DOCK1: variants seen among roughly 807,000 people sequenced by gnomAD.
DOCK1 encodes the protein dedicator of cytokinesis 1.
In DOCK1, 138 loss-of-function variants were observed where a neutral mutation model predicts 262.7. The ratio of observed to expected loss-of-function variants is 0.53; its 90% CI spans 0.46 to 0.61. The LOEUF is 0.61. DOCK1 is among the 20% of genes least tolerant of loss of function. DOCK1 has a pLI of 0.00. For synonymous variants in DOCK1, 866 were observed against 867.4 expected (o/e 1.00, Z 0.03); for missense variants, 1,908 against 2,370.7 (o/e 0.80, Z 4.05).
chr10:127,335,411 A>G (rs908868328), intron 29 of DOCK1, among the ~76,000 whole-genome samples: 5 of 152,332 alleles, frequency 3.3e-5, no homozygotes, highest in Middle Eastern at 6.8e-3. Flanking sequence ...CCATCCAAAC[A>G]CTTGGCTTAG....
chr10:126,973,918 C>G (rs898242243), intron 2 of DOCK1, among the ~76,000 whole-genome samples: 3 of 152,112 alleles, frequency 2.0e-5, no homozygotes, highest in Non-Finnish European at 4.4e-5. Flanking sequence ...TATTACAGAG[C>G]TTGCTCCAGA....
At chr10:127,256,673 G>A (rs2059834395) in intron 28 of DOCK1, among the ~76,000 whole-genome samples, 1 of 152,176 alleles carries the variant, frequency 6.6e-6, no homozygotes, top group Non-Finnish European at 1.5e-5. Context: ...CATGGAAGCA[G>A]GGTAGAGCAG....
At chr10:126,977,915 T>G (rs983358186) in intron 2 of DOCK1, 33 bp from the exon 3 acceptor site, 1 of 1,612,026 alleles carries the variant, frequency 6.2e-7, no homozygotes. Context: ...CATGTCTCTT[T>G]GTACTAACTG....
intron 29 of DOCK1, among the ~76,000 whole-genome samples, chr10:127,275,977 C>T (rs537369700): frequency 6.6e-6 from 1 of 152,366 alleles, no homozygotes; most frequent in South Asian, 2.1e-4. Context: ...CCCTGCGGCT[C>T]ATGCTGCCTT....
intron 13 of DOCK1, among the ~76,000 whole-genome samples, chr10:127,021,137 T>G (rs1475471410): frequency 6.6e-6 from 1 of 152,210 alleles, no homozygotes; most frequent in Non-Finnish European, 1.5e-5. Context: ...GTCTTACTTC[T>G]GTGCTGGCCC....
At chr10:127,080,307 G>A (rs1341277268) in intron 23 of DOCK1, among the ~76,000 whole-genome samples, 1 of 152,024 alleles carries the variant, frequency 6.6e-6, no homozygotes, top group African/African-American at 2.4e-5. Context: ...ATCATGCTAA[G>A]CTGGGTTGAT....
intron 21 of DOCK1, among the ~76,000 whole-genome samples, chr10:127,048,711 G>A (rs1397606992): frequency 2.0e-5 from 3 of 152,206 alleles, no homozygotes; most frequent in Non-Finnish European, 4.4e-5. Flanking sequence ...GCTGAGCCAG[G>A]TTGGACAGCT....
At chr10:127,444,426 C>T in intron 50 of DOCK1, 147 bp downstream of exon 50, 1 of 1,126,510 alleles carries the variant, frequency 8.9e-7, no homozygotes, top group Non-Finnish European at 1.2e-6. Flanking sequence ...GGGAGTGTCC[C>T]CTGGGACAGG....
At chr10:127,160,503 T>G (rs532972751) in intron 27 of DOCK1, among the ~76,000 whole-genome samples, 1 of 152,328 alleles carries the variant, frequency 6.6e-6, no homozygotes, top group South Asian at 2.1e-4. Context: ...GTGACCCAGT[T>G]GTTGATTTGC....
At chr10:127,300,784 G>A (rs1026595839) in intron 29 of DOCK1, among the ~76,000 whole-genome samples, 46 of 151,590 alleles carry the variant, frequency 3.0e-4, no homozygotes, top group African/African-American at 1.0e-3. Flanking sequence ...CTGTCCTCCC[G>A]AGAGCCCCAC....
intron 23 of DOCK1, among the ~76,000 whole-genome samples, chr10:127,087,031 C>T (rs896275834): frequency 1.3e-5 from 2 of 152,036 alleles, no homozygotes; most frequent in Non-Finnish European, 2.9e-5. Flanking sequence ...TTCTATAGAG[C>T]GGGATTGGTA....
Position 127,291,620 on chromosome 10 carries a change from C to T in DOCK1, c.3044+34191C>T, listed in dbSNP as rs946613789. On this transcript the variant is annotated intron_variant, in intron 29 of 51. Coordinates refer to ENST00000623213, the MANE Select transcript of DOCK1 (RefSeq NM_001290223.2). ...CCTGAGAGGGAAGGAGAGTTGCTCA[C>T]GGTCAGACAGGAGCTCTCATCAGCA... 4.6e-5 allele frequency among the ~76,000 whole-genome samples: 7 copies of T among 152,304 alleles called. No homozygotes were observed. The East Asian group carries it at 1.2e-3, about 25-fold the overall frequency.
intron 36 of DOCK1, 37 bp downstream of exon 36, chr10:127,380,159 AAATAAT>A: frequency 3.7e-6 from 5 of 1,368,340 alleles, no homozygotes; most frequent in Middle Eastern, 2.3e-4. Flanking sequence ...TGTTAATTAT[AAATAAT>A]AATATATGTT....
chr10:126,911,965 CT>C (rs1363048742), intron 1 of DOCK1, among the ~76,000 whole-genome samples: 1 of 152,076 alleles, frequency 6.6e-6, no homozygotes, highest in Non-Finnish European at 1.5e-5. Context: ...GACAGGGTGG[CT>C]TAACCAACAG....
At chr10:127,206,136 CTTTTTTTT>C (rs34450374) in intron 27 of DOCK1, among the ~76,000 whole-genome samples, 18 of 78,624 alleles carry the variant, frequency 2.3e-4, no homozygotes, top group African/African-American at 4.4e-4. Context: ...TTCTTCTTCT[CTTTTTTTT>C]TTTTTTTTTT....
chr10:127,384,629 C>T (rs1394404328), intron 37 of DOCK1, among the ~76,000 whole-genome samples, 161 bp from the exon 38 acceptor site: 1 of 152,230 alleles, frequency 6.6e-6, no homozygotes, highest in Non-Finnish European at 1.5e-5. Flanking sequence ...GTCGGTATGT[C>T]CGGACAGAGG....
chr10:127,231,327 T>A (rs1298144996), intron 27 of DOCK1, among the ~76,000 whole-genome samples: 1 of 152,088 alleles, frequency 6.6e-6, no homozygotes, highest in East Asian at 1.9e-4. Flanking sequence ...TACTATTCGA[T>A]ACAAGAAAAT....
chr10:127,248,276 C>T (rs1312131107), intron 28 of DOCK1, among the ~76,000 whole-genome samples, 167 bp downstream of exon 28: 3 of 152,176 alleles, frequency 2.0e-5, no homozygotes, highest in African/African-American at 7.2e-5. Flanking sequence ...TTGTTTCTAA[C>T]AAGACAAGGG....
chr10:127,002,529 T>G (rs1554970027), intron 10 of DOCK1, among the ~76,000 whole-genome samples: 1 of 152,206 alleles, frequency 6.6e-6, no homozygotes, highest in South Asian at 2.1e-4. Flanking sequence ...GGCCTTCCAC[T>G]GTTTCTTACA....
Sources: allele counts gnomAD v4.1 joint callset (sites outside exome capture counted in the v4.1 genomes callset), GRCh38; gene constraint gnomAD v4.1.1; transcripts MANE v1.5; gene names NCBI Gene and HGNC (gene_info 2026-07-23, HGNC 2026-07-21).